Variants in NFRKB observed in about 807,000 individuals in gnomAD.
NFRKB encodes the protein nuclear factor related to kappa-B-binding protein.
In NFRKB, 62 loss-of-function variants were observed where a neutral mutation model predicts 135.7. The observed-to-expected ratio is 0.46, with a 90% CI of 0.37 to 0.56. The LOEUF is 0.56. Among genes scored for constraint, NFRKB ranks in the 20% least tolerant of loss-of-function variants. NFRKB has a pLI of 0.00. For missense variants in NFRKB, 1,545 were observed against 1,662.0 expected, an observed-to-expected ratio of 0.93 and a Z score of 1.22; for synonymous variants, 678 against 635.6, an observed-to-expected ratio of 1.07 and a Z score of -1.00.
Position 129,869,813 on chromosome 11 carries a change from T to C in NFRKB, c.3212A>G (p.Gln1071Arg), listed in dbSNP as rs754352446. The C allele has an allele frequency of 8.7e-6, 14 of 1,614,252 alleles. No individual in the cohort carries two copies. The highest frequency in any genetic ancestry group is 7.6e-6 in the Non-Finnish European group (9 of 1,180,050). ...AGAGGCCACTGTGCTTTTTCCCTTC[T>C]GGTCAGCCACACTCACGCCAAGAGC... is the stretch of plus-strand genomic sequence containing the variant. Reference protein sequence around the residue: ...MPALGVSVADQKGKSTVASSE... With the variant: ...MPALGVSVADRKGKSTVASSE... The change falls in exon 24 of 27, where the codon CAG (glutamine) becomes CGG (arginine). Residue 1071 changes from glutamine to arginine, a missense_variant. Physicochemically the swap from Gln to Arg is conservative, Grantham distance 43. Around this residue, in one of 3 missense-constraint regions of NFRKB, gnomAD observed 753 missense variants for 804.3 expected, o/e 0.94. Transcript: ENST00000682444.
In NFRKB at chr11:129,873,061, A is replaced by G. The variant is rs1335778464; in HGVS notation, c.2586T>C (p.Thr862=). 2 of 1,612,994 alleles carry G rather than the reference A, an allele frequency of 1.2e-6. No individual in the cohort carries two copies. The highest frequency in any genetic ancestry group is 1.6e-4 in the Middle Eastern group (1 of 6,068). ...CAGGCCGCTGCACAGTGGCTGCCGTAGTCTGCGCTTTGACGGGCACAGTGG... is the reference window on the plus strand; with the variant it reads ...CAGGCCGCTGCACAGTGGCTGCCGTGGTCTGCGCTTTGACGGGCACAGTGG... ...VMATVPVKAQ[T]TAATVQRPGP... is the part of the protein sequence containing the mutation. The change falls in exon 23 of 27, where the codon ACT becomes ACC. Residue 862 remains threonine (T), a synonymous_variant. Transcript: ENST00000682444.
intron 5 of NFRKB, 54 bp from the exon 6 acceptor site, chr11:129,885,663 C>A (rs559006332): frequency 1.9e-5 from 29 of 1,511,758 alleles, no homozygotes; most frequent in Non-Finnish European, 2.5e-5. Flanking sequence ...TGTTCTGGAA[C>A]AATGAACACT....
chr11:129,869,862 T>C lies in NFRKB; in HGVS notation c.3163A>G (p.Ser1055Gly), dbSNP rs1326224336. Residue 1055 changes from serine to glycine, a missense_variant, in exon 24 of 27, where the codon AGT (serine) becomes GGT (glycine). Physicochemically the swap from Ser to Gly is moderately conservative, Grantham distance 56. Transcript: ENST00000682444. ...TPDLKPTEAS[S>G]SAFRLMPALG... ...GCTGGCATCAAGCGAAAAGCCGAAC[T>C]TGAGGCTTCTGTTGGCTTGAGGTCA... 6.2e-7 allele frequency: 1 copy of C among 1,614,244 alleles called. No individual in the cohort carries two copies. Among genetic ancestry groups the C allele is most frequent in the Admixed American group, 1.7e-5 (1 of 60,028 alleles).
At chr11:129,888,560 A>AC (rs779528129) in intron 4 of NFRKB, 34 bp downstream of exon 4, 1 of 1,592,924 alleles carries the variant, frequency 6.3e-7, no homozygotes, top group Non-Finnish European at 8.6e-7. Context: ...CCCATCCACC[A>AC]CCCCCCTCAA....
rs770296180 is a variant in NFRKB, at chr11:129,883,105, G to A, written c.901+17C>T. 1 of 1,613,012 alleles carries A rather than the reference G, an allele frequency of 6.2e-7. No individual in the cohort carries two copies. Among genetic ancestry groups the A allele is most frequent in the Non-Finnish European group, 8.5e-7 (1 of 1,179,220 alleles). ...CCATAGTCAGATGAAGGCTCCTAGA[G>A]GGGCCCAGTCATTTACCTGCCAGAG... On this transcript the variant is annotated intron_variant, in intron 9 of 26. Coordinates refer to ENST00000682444, the MANE Select transcript of NFRKB (RefSeq NM_001143835.2).
Position 129,864,827 on chromosome 11 carries a change from T to G in NFRKB, c.3798A>C (p.Ala1266=). Residue 1266 remains alanine, a synonymous_variant, in exon 27 of 27, where the codon GCA becomes GCC. Coordinates refer to ENST00000682444, the MANE Select transcript of NFRKB (RefSeq NM_001143835.2). ...ATQVRIQTVP[A]SHLQQGTASG... ...AAGCTGTTCCCTGTTGGAGATGGGA[T>G]GCAGGGACAGTCTGGATGCGCACCT... 1 of 1,614,170 alleles carries G rather than the reference T, an allele frequency of 6.2e-7. No individual in the cohort carries two copies. The highest frequency in any genetic ancestry group is 1.3e-5 in the African/African-American group (1 of 75,054).
intron 13 of NFRKB, among the ~76,000 whole-genome samples, chr11:129,880,397 C>T (rs755941413): frequency 1.3e-5 from 2 of 152,072 alleles, no homozygotes; most frequent in Non-Finnish European, 2.9e-5. Flanking sequence ...CAAACGTATC[C>T]ATCCTCTCTC....
chr11:129,870,925 T>C (rs1948469327), intron 23 of NFRKB, among the ~76,000 whole-genome samples: 1 of 152,172 alleles, frequency 6.6e-6, no homozygotes, highest in Admixed American at 6.5e-5. Flanking sequence ...TCCCTCCACC[T>C]ACTCCACTCC....
chr11:129,887,216 A>T (rs918829203), intron 4 of NFRKB, among the ~76,000 whole-genome samples: 10 of 152,188 alleles, frequency 6.6e-5, no homozygotes, highest in Non-Finnish European at 1.5e-4. Flanking sequence ...AACCCCCAAT[A>T]TAGTAACTGA....
intron 6 of NFRKB, 68 bp downstream of exon 6, chr11:129,885,367 C>T (rs1312450956): frequency 7.9e-6 from 12 of 1,521,396 alleles, no homozygotes; most frequent in African/African-American, 1.4e-5. Flanking sequence ...CTACCACTGG[C>T]TCCAACCGGA....
intron 24 of NFRKB, among the ~76,000 whole-genome samples, chr11:129,866,800 A>G (rs1371891870): frequency 6.6e-6 from 1 of 152,188 alleles, no homozygotes; most frequent in Non-Finnish European, 1.5e-5. Context: ...TAAAAAATTC[A>G]AGAGGGCTGG....
chr11:129,884,001 T>G, intron 8 of NFRKB, 69 bp downstream of exon 8: 1 of 1,519,946 alleles, frequency 6.6e-7, no homozygotes, highest in Non-Finnish European at 9.1e-7. Flanking sequence ...GCCCCGTGTC[T>G]TCCTCAGGAC....
intron 4 of NFRKB, chr11:129,888,304 A>C: frequency 1.7e-6 from 1 of 604,204 alleles, no homozygotes; most frequent in Non-Finnish European, 2.9e-6. Flanking sequence ...ACCAGACATG[A>C]AGGGCACCTC....
chr11:129,869,500 G>T lies in NFRKB; in HGVS notation c.3525C>A (p.Ser1175=), dbSNP rs1280520958. 3 of 1,607,068 alleles carry T rather than the reference G, an allele frequency of 1.9e-6. No homozygotes were observed. In the East Asian group the frequency reaches 6.7e-5, roughly 36 times the overall value. ...TTTACCACTAGTTACTCACAGCCTG[G>T]GACGTGGACACAACCGTGGTGCTGA... is the stretch of plus-strand genomic sequence containing the variant. The part of the protein sequence containing the change: ...VPVSTTVVST[S]QAGKLPTRIT... The change falls in exon 24 of 27, where the codon TCC becomes TCA. Residue 1175 remains serine, a synonymous_variant. Coordinates refer to ENST00000682444, the MANE Select transcript of NFRKB (RefSeq NM_001143835.2).
chr11:129,881,360 T>C, intron 13 of NFRKB, 83 bp downstream of exon 13: 2 of 1,373,720 alleles, frequency 1.5e-6, no homozygotes, highest in Admixed American at 3.4e-5. Context: ...TCTGCAGGAC[T>C]ATATTGACTG....
At chr11:129,888,345 G>A (rs1419437739) in intron 4 of NFRKB, 1 of 649,084 alleles carries the variant, frequency 1.5e-6, no homozygotes, top group African/African-American at 1.8e-5. Flanking sequence ...ATTTTTTTAT[G>A]TAGATGCTGG....
chr11:129,892,974 C>T (rs1175160680), intron 2 of NFRKB, 104 bp from the exon 3 acceptor site: 1 of 1,574,318 alleles, frequency 6.4e-7, no homozygotes, highest in Non-Finnish European at 8.6e-7. Context: ...CCAGTTCTTA[C>T]ACCTTATCCT....
rs755112141 is a variant in NFRKB, at chr11:129,874,340, C to T, written c.2059-7G>A. ...TCTCCTTGCTACTGGACTTCTAGAA[C>T]GGAAGACAAAGAAAACTCACCTGGT... On this transcript the variant is annotated splice_region_variant and splice_polypyrimidine_tract_variant and intron_variant, in intron 20 of 26. Coordinates refer to ENST00000682444, the MANE Select transcript of NFRKB (RefSeq NM_001143835.2). This position sits in a 1 kb window ranked among gnomAD's most constrained non-coding sequence, Gnocchi z 4.5. The T allele has an allele frequency of 3.0e-5, 46 of 1,518,762 alleles. No individual in the cohort carries two copies. The highest frequency in any genetic ancestry group is 9.4e-5 in the South Asian group (7 of 74,336). 94.1% of individuals were successfully genotyped at this position (1,518,762 alleles called of 1,614,324 possible).
At chr11:129,885,028 C>T in intron 6 of NFRKB, 182 bp from the exon 7 acceptor site, 3 of 835,896 alleles carry the variant, frequency 3.6e-6, no homozygotes, top group Non-Finnish European at 5.5e-6. Context: ...AACGGCTCTT[C>T]CAGGAAGAGA....
Sources: gnomAD v4.1 joint callset for allele counts (sites outside exome capture counted in the v4.1 genomes callset) on GRCh38, gnomAD v4.1.1 for gene constraint, gnomAD v4.1.1 regional missense constraint, Gnocchi (gnomAD v3.1) non-coding constraint, MANE v1.5 for transcripts, NCBI Gene and HGNC (gene_info 2026-07-23, HGNC 2026-07-21) for gene names.